Variants in VPS13B observed in about 807,000 individuals in gnomAD.
VPS13B encodes intermembrane lipid transfer protein VPS13B.
VPS13B carries 285 observed loss-of-function variants against 426.4 expected under a neutral mutation model. The ratio of observed to expected loss-of-function variants is 0.67; its 90% confidence interval spans 0.61 to 0.74. The LOEUF (loss-of-function observed/expected upper bound fraction) is 0.74. Among genes scored for constraint, VPS13B ranks in the 30% least tolerant of loss-of-function variants. The pLI is 0.00. For missense variants in VPS13B, 4,537 were observed against 4,782.6 expected, an observed-to-expected ratio of 0.95 and a Z score of 1.51; for synonymous variants, 1,676 against 1,676.4, an observed-to-expected ratio of 1.00 and a Z score of 0.01.
At chr8:99,807,873 TA>T (rs35638213) in intron 43 of VPS13B, among the ~76,000 whole-genome samples, 3,638 of 117,952 alleles carry the variant, frequency 0.031, 50 homozygotes, top group African/African-American at 0.051. Context: ...TATTCAGATT[TA>T]AAAAAAAAAA....
intron 3 of VPS13B, among the ~76,000 whole-genome samples, chr8:99,057,621 T>C (rs1271356301): frequency 6.6e-6 from 1 of 152,174 alleles, no homozygotes; most frequent in East Asian, 1.9e-4. Context: ...TAGGGGTCAG[T>C]CTTTTTTTTC....
At chr8:99,312,045 T>G (rs1821012570) in intron 19 of VPS13B, among the ~76,000 whole-genome samples, 2 of 152,190 alleles carry the variant, frequency 1.3e-5, no homozygotes, top group South Asian at 4.1e-4. Context: ...CTCCATCCCT[T>G]TATTTTGAGC....
intron 19 of VPS13B, among the ~76,000 whole-genome samples, chr8:99,338,170 T>C (rs1418317422): frequency 6.6e-6 from 1 of 152,186 alleles, no homozygotes; most frequent in Non-Finnish European, 1.5e-5. Flanking sequence ...TTATATAAAG[T>C]ACTATGTGTT....
At chr8:99,600,943 A>G (rs886930154) in intron 33 of VPS13B, among the ~76,000 whole-genome samples, 7 of 151,974 alleles carry the variant, frequency 4.6e-5, no homozygotes, top group Non-Finnish European at 8.8e-5. Flanking sequence ...AGACTGGACT[A>G]TTGTCTTTTT....
At chr8:99,288,030 A>C (rs1258255838) in intron 19 of VPS13B, among the ~76,000 whole-genome samples, 1 of 152,030 alleles carries the variant, frequency 6.6e-6, no homozygotes, top group Non-Finnish European at 1.5e-5. Context: ...TATTTATGTC[A>C]GCTTATTTAT....
Position 99,243,433 on chromosome 8 carries a change from G to T in VPS13B, c.2516-30765G>T, listed in dbSNP as rs184467758. 6.3e-3 allele frequency among the ~76,000 whole-genome samples: 951 copies of T among 152,140 alleles called. 8 individuals carry two copies. The highest frequency in any genetic ancestry group is 0.022 in the African/African-American group (894 of 41,508). ...AAGATAAGGGACATAAAGCTGTTCT[G>T]TGGTCAGGGTGTGGAGCATGTAGTA... On this transcript the variant is annotated intron_variant, in intron 17 of 61. Transcript: ENST00000357162.
intron 15 of VPS13B, 46 bp downstream of exon 15, chr8:99,156,789 G>C (rs746527637): frequency 6.3e-7 from 1 of 1,592,900 alleles, no homozygotes; most frequent in Middle Eastern, 1.7e-4. Context: ...GTTTGGCTTT[G>C]GGATCATCAG....
rs1364568614 is a variant in VPS13B, at chr8:99,575,692, A to T, written c.4984A>T (p.Thr1662Ser). The T allele has an allele frequency of 6.2e-7, 1 of 1,613,620 alleles. No homozygotes were observed. The highest frequency in any genetic ancestry group is 1.7e-5 in the Admixed American group (1 of 59,934). Residue 1662 changes from threonine to serine, a missense_variant, in exon 32 of 62, where the codon ACC becomes TCC. Physicochemically the swap from Thr to Ser is moderately conservative, Grantham distance 58. Transcript: ENST00000357162. ...RRHQERRAIL[T>S]PVLTDFSVRI... ...GCATCAAGAAAGGAGAGCAATTTTG[A>T]CCCCCGTTTTGACAGATTTTTCTGT... is the stretch of plus-strand genomic sequence containing the variant.
At chr8:99,210,381 G>A (rs1193644974) in intron 17 of VPS13B, among the ~76,000 whole-genome samples, 1 of 152,086 alleles carries the variant, frequency 6.6e-6, no homozygotes, top group African/African-American at 2.4e-5. Context: ...CCTTTGGGGT[G>A]TACTTCTGTG....
intron 17 of VPS13B, among the ~76,000 whole-genome samples, chr8:99,273,908 TA>T (rs1380596652): frequency 1.3e-5 from 2 of 152,240 alleles, no homozygotes; most frequent in Non-Finnish European, 2.9e-5. Context: ...ATATGATTTT[TA>T]AAATTATTTC....
At chr8:99,651,989 A>G (rs541209944) in intron 34 of VPS13B, among the ~76,000 whole-genome samples, 1 of 152,296 alleles carries the variant, frequency 6.6e-6, no homozygotes, top group East Asian at 1.9e-4. Flanking sequence ...ATCTTTTCAA[A>G]CATCAACTAG....
At chr8:99,176,362 C>A (rs1172743618) in intron 16 of VPS13B, among the ~76,000 whole-genome samples, 1 of 152,054 alleles carries the variant, frequency 6.6e-6, no homozygotes, top group Non-Finnish European at 1.5e-5. Context: ...GTCTTGAACT[C>A]CTGGCCTCAA....
intron 40 of VPS13B, 143 bp from the exon 41 acceptor site, chr8:99,776,632 T>C: frequency 1.2e-6 from 1 of 823,776 alleles, no homozygotes; most frequent in Non-Finnish European, 1.9e-6. Flanking sequence ...CTAATTTACA[T>C]AGGAAAATAC....
intron 36 of VPS13B, among the ~76,000 whole-genome samples, chr8:99,704,091 T>A (rs1563872852): frequency 6.6e-6 from 1 of 152,110 alleles, no homozygotes; most frequent in Non-Finnish European, 1.5e-5. Context: ...GGTGACTTTT[T>A]ACCCAAGCCA....
intron 8 of VPS13B, among the ~76,000 whole-genome samples, chr8:99,124,613 G>A (rs1295370670): frequency 3.3e-5 from 5 of 152,120 alleles, no homozygotes; most frequent in Admixed American, 2.6e-4. Context: ...TTGGCCAGGT[G>A]TGGTGGCTCA....
chr8:99,535,062 A>G (rs1462947426), intron 30 of VPS13B, among the ~76,000 whole-genome samples: 2 of 152,102 alleles, frequency 1.3e-5, no homozygotes, highest in Non-Finnish European at 2.9e-5. Flanking sequence ...CAGCCCCCTC[A>G]TATCCCCTAA....
intron 19 of VPS13B, among the ~76,000 whole-genome samples, chr8:99,375,034 C>CTGCA: frequency 6.6e-6 from 1 of 152,154 alleles, no homozygotes; most frequent in East Asian, 1.9e-4. Context: ...ATCTATGGGC[C>CTGCA]TGCACTTCAC....
At chr8:99,716,679 A>T (rs2094505152) in intron 36 of VPS13B, among the ~76,000 whole-genome samples, 7 of 152,208 alleles carry the variant, frequency 4.6e-5, no homozygotes, top group Admixed American at 2.0e-4. Flanking sequence ...AGTTTGGATT[A>T]AACTAAAATT....
intron 35 of VPS13B, among the ~76,000 whole-genome samples, chr8:99,662,323 A>G (rs537511774): frequency 1.3e-5 from 2 of 151,938 alleles, no homozygotes; most frequent in South Asian, 2.1e-4. Context: ...AGTCTTAGCT[A>G]TTTATTTAAC....
Sources: allele counts gnomAD v4.1 joint callset (sites outside exome capture counted in the v4.1 genomes callset), GRCh38; gene constraint gnomAD v4.1.1; transcripts MANE v1.5; gene names NCBI Gene and HGNC (gene_info 2026-07-23, HGNC 2026-07-21).